The following RIMBP2 variants were observed in gnomAD, a reference collection of about 807,000 sequenced individuals.
The protein encoded by RIMBP2 is RIMS binding protein 2, also known as RIMS-binding protein 2.
In RIMBP2, 48 loss-of-function variants were observed where a neutral mutation model predicts 118.6. The ratio of observed to expected loss-of-function variants is 0.40; its 90% CI spans 0.32 to 0.51. The LOEUF (loss-of-function observed/expected upper bound fraction) is 0.51, where lower values mean the gene tolerates loss of function less well. RIMBP2 is among the 20% of genes least tolerant of loss of function. The probability of loss-of-function intolerance (pLI) is 0.41; values close to 1 mark genes in which losing one functional copy is unlikely to be tolerated. For synonymous variants in RIMBP2, 762 were observed against 742.9 expected (o/e 1.03, Z -0.42); for missense variants, 1,551 against 1,768.3 (o/e 0.88, Z 2.20).
intron 2 of RIMBP2, among the ~76,000 whole-genome samples, chr12:130,596,333 C>T (rs1465794227): frequency 6.6e-6 from 1 of 152,168 alleles, no homozygotes; most frequent in East Asian, 1.9e-4. Flanking sequence ...CTTTCATCTC[C>T]TCATACGATG....
chr12:130,428,401 T>C (rs1431493491), intron 14 of RIMBP2, 64 bp from the exon 15 acceptor site: 5 of 1,527,240 alleles, frequency 3.3e-6, no homozygotes, highest in East Asian at 2.4e-5. Flanking sequence ...AGAGGCCAGA[T>C]TGAGCTTGCC....
chr12:130,544,431 C>A (rs1330021029), intron 2 of RIMBP2, among the ~76,000 whole-genome samples: 1 of 152,134 alleles, frequency 6.6e-6, no homozygotes, highest in East Asian at 1.9e-4. Flanking sequence ...GCAGGACAAC[C>A]AGCAAGACTG....
intron 2 of RIMBP2, among the ~76,000 whole-genome samples, chr12:130,606,521 A>T (rs1264747373): frequency 1.3e-5 from 2 of 152,220 alleles, no homozygotes; most frequent in Non-Finnish European, 2.9e-5. Context: ...GTGCAGGTTG[A>T]AGAGGCGGAA....
chr12:130,450,084 CCTT>C lies in RIMBP2; in HGVS notation c.581+113_581+115del, dbSNP rs931286006. The C allele has an allele frequency of 1.4e-6, 1 of 696,156 alleles. No individual in the cohort carries two copies. Among genetic ancestry groups the C allele is most frequent in the African/African-American group, 1.8e-5 (1 of 55,354 alleles). The allele number at this position is 696,156 out of a possible 1,614,324, so 43.1% of individuals were successfully genotyped here. On this transcript the variant is annotated intron_variant, in intron 9 of 22. Coordinates refer to ENST00000690449, the MANE Select transcript of RIMBP2 (RefSeq NM_001393629.1). The surrounding 1 kb of genome is among the most constrained non-coding windows in gnomAD (Gnocchi z 4.8). Reference sequence around the variant, plus strand: ...GCCTCCAGGCCAGGCTGAAATCCCACCTTCTCCTCGTGCCCTGGGAGAAGGGAA... The same window carrying C: ...GCCTCCAGGCCAGGCTGAAATCCCACCTCCTCGTGCCCTGGGAGAAGGGAA...
intron 1 of RIMBP2, among the ~76,000 whole-genome samples, chr12:130,662,654 CAA>C (rs539623749): frequency 6.9e-6 from 1 of 145,314 alleles, no homozygotes; most frequent in Admixed American, 6.9e-5. Context: ...GACTCCGTCT[CAA>C]AAAAAAAAAT....
intron 2 of RIMBP2, among the ~76,000 whole-genome samples, chr12:130,534,468 A>G (rs2053807828): frequency 6.6e-6 from 1 of 152,138 alleles, no homozygotes; most frequent in Non-Finnish European, 1.5e-5. Context: ...AAAAAAAAAA[A>G]TTCTGGTTAT....
intron 4 of RIMBP2, among the ~76,000 whole-genome samples, chr12:130,499,949 T>C (rs921261309): frequency 1.3e-5 from 2 of 152,246 alleles, no homozygotes; most frequent in Admixed American, 1.3e-4. Flanking sequence ...TTCTTTATTT[T>C]TAACTTTTAT....
At chr12:130,433,143 G>A (rs536913919) in intron 14 of RIMBP2, among the ~76,000 whole-genome samples, 4 of 152,128 alleles carry the variant, frequency 2.6e-5, no homozygotes, top group Non-Finnish European at 5.9e-5. Context: ...GCAGAGGACC[G>A]GCCTTACACA....
chr12:130,629,360 A>G (rs2061841763), intron 1 of RIMBP2, among the ~76,000 whole-genome samples: 1 of 152,226 alleles, frequency 6.6e-6, no homozygotes, highest in Non-Finnish European at 1.5e-5. Flanking sequence ...AGGCCCAAGC[A>G]TGAGTAAGAT....
chr12:130,501,559 G>A (rs753416935), intron 4 of RIMBP2, among the ~76,000 whole-genome samples: 30 of 152,150 alleles, frequency 2.0e-4, no homozygotes, highest in African/African-American at 5.6e-4. Context: ...AGAAGTTATC[G>A]CCCCTTTCCA....
chr12:130,421,215 C>G (rs1304521968), intron 17 of RIMBP2, among the ~76,000 whole-genome samples: 1 of 152,236 alleles, frequency 6.6e-6, no homozygotes, highest in African/African-American at 2.4e-5. Flanking sequence ...GAGACACACA[C>G]TAGGTTTAGA....
chr12:130,464,759 C>T (rs2080309348), intron 6 of RIMBP2, among the ~76,000 whole-genome samples: 1 of 152,210 alleles, frequency 6.6e-6, no homozygotes, highest in Non-Finnish European at 1.5e-5. Context: ...TCTCTCTGTC[C>T]AGGGCCCACC....
chr12:130,696,316 G>A (rs574376859), intron 1 of RIMBP2, among the ~76,000 whole-genome samples: 53 of 152,200 alleles, frequency 3.5e-4, no homozygotes, highest in Non-Finnish European at 6.0e-4. Flanking sequence ...GGAGTCTGGG[G>A]GATGTGTGTG....
chr12:130,440,097 C>T (rs1000198235), intron 11 of RIMBP2, among the ~76,000 whole-genome samples: 3 of 144,766 alleles, frequency 2.1e-5, no homozygotes, highest in Admixed American at 6.9e-5. Context: ...CCTGCACCAC[C>T]GTCCCCGGGC....
intron 2 of RIMBP2, among the ~76,000 whole-genome samples, chr12:130,605,199 A>C (rs1462117658): frequency 1.3e-5 from 2 of 152,212 alleles, no homozygotes; most frequent in East Asian, 3.9e-4. Flanking sequence ...AAAGATACAT[A>C]CTATCCTAAT....
rs1024513069 is a variant in RIMBP2 at position 130,511,638 on chromosome 12, G to A, written c.-126-4868C>T. 6.6e-6 allele frequency among the ~76,000 whole-genome samples: 1 copy of A among 152,172 alleles called. No individual in the cohort carries two copies. Among genetic ancestry groups the A allele is most frequent in the African/African-American group, 2.4e-5 (1 of 41,422 alleles). On this transcript the variant is annotated intron_variant, in intron 3 of 22. Coordinates refer to ENST00000690449, the MANE Select transcript of RIMBP2 (RefSeq NM_001393629.1). The surrounding 1 kb of genome is among the most constrained non-coding windows in gnomAD (Gnocchi z 4.3). ...ACCCTCAATTGCTTTTGGAGTATGC[G>A]CCATCTCTCTCCTGCTGGGACCAGA...
chr12:130,417,818 C>T (rs374516615), intron 17 of RIMBP2, among the ~76,000 whole-genome samples: 125 of 152,218 alleles, frequency 8.2e-4, no homozygotes, highest in African/African-American at 2.7e-3. Flanking sequence ...CACTAAACAT[C>T]ATTAGATAGA....
intron 17 of RIMBP2, chr12:130,414,528 T>A (rs2075984016): frequency 2.4e-6 from 1 of 422,596 alleles, no homozygotes; most frequent in Non-Finnish European, 4.2e-6. Context: ...ACACTGCATG[T>A]GAAAGCATTG....
chr12:130,693,155 A>G (rs1383253312), intron 1 of RIMBP2, among the ~76,000 whole-genome samples: 2 of 152,036 alleles, frequency 1.3e-5, no homozygotes, highest in African/African-American at 4.8e-5. Flanking sequence ...ATTTCTTAGG[A>G]AACACTCGTC....
Sources: gnomAD v4.1 joint callset for allele counts (sites outside exome capture counted in the v4.1 genomes callset) on GRCh38, gnomAD v4.1.1 for gene constraint, Gnocchi (gnomAD v3.1) non-coding constraint, MANE v1.5 for transcripts, NCBI Gene and HGNC (gene_info 2026-07-23, HGNC 2026-07-21) for gene names.